Variants in EYS observed in about 807,000 individuals in gnomAD.
EYS encodes protein eyes shut homolog.
In EYS, 250 loss-of-function variants were observed where a neutral mutation model predicts 282.1. That is an observed-to-expected ratio of 0.89 (90% CI 0.80 to 0.98). The LOEUF (loss-of-function observed/expected upper bound fraction) is 0.98, where lower values mean the gene tolerates loss of function less well. Among genes scored for constraint, EYS ranks in the 50% least tolerant of loss-of-function variants. The probability of loss-of-function intolerance (pLI) is 0.00; values close to 1 mark genes in which losing one functional copy is unlikely to be tolerated. For synonymous variants in EYS, 1,355 were observed against 1,282.9 expected (o/e 1.06, Z -1.20); for missense variants, 4,016 against 3,709.0 (o/e 1.08, Z -2.15).
intron 28 of EYS, among the ~76,000 whole-genome samples, chr6:64,394,988 T>C (rs981357818): frequency 6.6e-6 from 1 of 152,038 alleles, no homozygotes; most frequent in Non-Finnish European, 1.5e-5. Context: ...AACAGACACT[T>C]CTCGAAAGAA....
chr6:64,758,515 C>G (rs1773052028), intron 22 of EYS, among the ~76,000 whole-genome samples: 1 of 152,094 alleles, frequency 6.6e-6, no homozygotes, highest in Non-Finnish European at 1.5e-5. Flanking sequence ...CAGTGGCAAA[C>G]TGAGGAAACA....
chr6:64,390,317 G>A (rs1028633382), intron 28 of EYS, among the ~76,000 whole-genome samples: 5 of 152,184 alleles, frequency 3.3e-5, no homozygotes, highest in Admixed American at 2.0e-4. Context: ...CACCTCTGGG[G>A]GCAGGGCACG....
At chr6:64,865,624 A>G (rs1164102274) in intron 19 of EYS, among the ~76,000 whole-genome samples, 1 of 152,172 alleles carries the variant, frequency 6.6e-6, no homozygotes, top group Non-Finnish European at 1.5e-5. Flanking sequence ...TAAGCACAGC[A>G]GGAAAATCAC....
At chr6:64,723,757 C>T (rs548210749) in intron 22 of EYS, among the ~76,000 whole-genome samples, 2 of 152,312 alleles carry the variant, frequency 1.3e-5, no homozygotes, top group African/African-American at 2.4e-5. Flanking sequence ...GCCATTCCCT[C>T]ATTAGTCTGA....
chr6:65,593,728 C>G (rs1246023990), intron 2 of EYS, among the ~76,000 whole-genome samples: 1 of 151,810 alleles, frequency 6.6e-6, no homozygotes, highest in Non-Finnish European at 1.5e-5. Context: ...CCCCATATAC[C>G]TTACAAAGAG....
chr6:63,750,131 T>G (rs1311971264), intron 41 of EYS, among the ~76,000 whole-genome samples: 3 of 152,196 alleles, frequency 2.0e-5, no homozygotes, highest in Non-Finnish European at 2.9e-5. Context: ...TTGTTGACAG[T>G]CTTATTTTGT....
intron 12 of EYS, among the ~76,000 whole-genome samples, chr6:65,276,918 GTC>G (rs1243699041): frequency 1.4e-4 from 22 of 152,042 alleles, no homozygotes; most frequent in Admixed American, 3.9e-4. Context: ...ATTTTTTATT[GTC>G]TCTCTTATTT....
chr6:64,818,659 G>A (rs1481033164), intron 21 of EYS, among the ~76,000 whole-genome samples: 1 of 152,112 alleles, frequency 6.6e-6, no homozygotes, highest in African/African-American at 2.4e-5. Context: ...AAATGTTTGA[G>A]GGCAGGAAGC....
At chr6:63,865,040 T>C (rs1227949210) in intron 35 of EYS, among the ~76,000 whole-genome samples, 1 of 152,208 alleles carries the variant, frequency 6.6e-6, no homozygotes, top group Non-Finnish European at 1.5e-5. Context: ...ATGCCTTCGT[T>C]TTCCTTTCCA....
chr6:64,780,705 A>G (rs1057134130), intron 22 of EYS, among the ~76,000 whole-genome samples: 5 of 152,176 alleles, frequency 3.3e-5, no homozygotes, highest in African/African-American at 9.7e-5. Context: ...GCAAAAAATA[A>G]ATTAATTCAT....
chr6:65,457,407 C>T lies in EYS; in HGVS notation c.862+33187G>A, dbSNP rs142936323. Among the ~76,000 whole-genome samples the T allele has an allele frequency of 4.6e-5, 7 of 152,154 alleles. No homozygotes were observed. The East Asian group carries it at 1.4e-3, about 30-fold the overall frequency. On this transcript the variant is annotated intron_variant, in intron 5 of 42. Transcript: ENST00000503581. Reference sequence around the variant, plus strand: ...CTCAAATTCCTGGCCTCAAGCAATCCTTCCACCTCAGCCTTCCTAAGTGCT... The same window carrying T: ...CTCAAATTCCTGGCCTCAAGCAATCTTTCCACCTCAGCCTTCCTAAGTGCT...
chr6:63,834,969 A>G (rs1168690701), intron 36 of EYS, among the ~76,000 whole-genome samples: 1 of 147,034 alleles, frequency 6.8e-6, no homozygotes, highest in Non-Finnish European at 1.5e-5. Flanking sequence ...AACAAACACC[A>G]CACGTTCTCA....
intron 22 of EYS, among the ~76,000 whole-genome samples, chr6:64,774,544 G>A (rs1773621340): frequency 6.6e-6 from 1 of 151,306 alleles, no homozygotes; most frequent in African/African-American, 2.4e-5. Context: ...ATTCAGCAAT[G>A]GGTCCTATGT....
chr6:64,542,511 G>A lies in EYS; in HGVS notation c.5644+47712C>T, dbSNP rs185342363. Among the ~76,000 whole-genome samples the A allele has an allele frequency of 3.5e-3, 540 of 152,178 alleles. 1 individual carries two copies. Among genetic ancestry groups the A allele is most frequent in the Non-Finnish European group, 4.2e-3 (285 of 67,954 alleles). On this transcript the variant is annotated intron_variant, in intron 26 of 42. Coordinates refer to ENST00000503581, the MANE Select transcript of EYS (RefSeq NM_001142800.2). ...ACATATAGTTTAGTGGGAATTTTGG[G>A]CACCTAAGATTTATTGCCAGATATT...
chr6:65,060,498 T>C (rs1301525948), intron 12 of EYS, among the ~76,000 whole-genome samples: 3 of 151,910 alleles, frequency 2.0e-5, no homozygotes, highest in Admixed American at 6.6e-5. Flanking sequence ...AGGAACATCA[T>C]GGTCTGTACC....
chr6:64,426,814 T>C lies in EYS; in HGVS notation c.5927+9360A>G, dbSNP rs534318911. Among the ~76,000 whole-genome samples, 77 of 152,286 alleles carry C rather than the reference T, an allele frequency of 5.1e-4. 1 individual carries two copies. Among genetic ancestry groups the C allele is most frequent in the African/African-American group, 1.8e-3 (76 of 41,578 alleles). On this transcript the variant is annotated intron_variant, in intron 28 of 42. Transcript: ENST00000503581. ...CTTATCATGCCATGATTAGCCACAG[T>C]TTTCAAATGGAAGTCTCCAGCTATG...
chr6:65,525,610 T>C (rs1486056232), intron 2 of EYS, among the ~76,000 whole-genome samples: 1 of 152,238 alleles, frequency 6.6e-6, no homozygotes, highest in Non-Finnish European at 1.5e-5. Context: ...AAAGGTATTG[T>C]TAGTGGAGAT....
chr6:64,259,576 A>T (rs1360811729), intron 30 of EYS, among the ~76,000 whole-genome samples: 24 of 151,690 alleles, frequency 1.6e-4, no homozygotes, highest in Admixed American at 1.1e-3. Flanking sequence ...TATGTGTGCC[A>T]ATTAGCAAAC....
At chr6:64,397,632 G>A (rs901355682) in intron 28 of EYS, among the ~76,000 whole-genome samples, 4 of 151,726 alleles carry the variant, frequency 2.6e-5, no homozygotes, top group Non-Finnish European at 4.4e-5. Context: ...CCATTTTTTG[G>A]TATGGTATTT....
Sources: allele counts gnomAD v4.1 joint callset (sites outside exome capture counted in the v4.1 genomes callset), GRCh38; gene constraint gnomAD v4.1.1; transcripts MANE v1.5; gene names NCBI Gene and HGNC (gene_info 2026-07-23, HGNC 2026-07-21).